Variants in XKR4 observed in about 807,000 individuals in gnomAD.
The protein encoded by XKR4 is XK-related protein 4.
A neutral mutation model predicts 53.9 loss-of-function variants in XKR4; 12 were observed. That is an observed-to-expected ratio of 0.22 (90% CI 0.14 to 0.36). The LOEUF (loss-of-function observed/expected upper bound fraction) is 0.36, where lower values mean the gene tolerates loss of function less well. Among genes scored for constraint, XKR4 ranks in the 10% least tolerant of loss-of-function variants. The pLI is 1.00. For missense variants in XKR4, 799 were observed against 859.5 expected, an observed-to-expected ratio of 0.93 and a Z score of 0.88; for synonymous variants, 354 against 362.4, an observed-to-expected ratio of 0.98 and a Z score of 0.26.
At position 55,536,706 on chromosome 8, in the gene XKR4, A is replaced by G. The variant is rs980135410; in HGVS notation, c.*12479A>G. The G allele has an allele frequency of 2.0e-5, 3 of 152,250 alleles. No individual in the cohort carries two copies. The highest frequency in any genetic ancestry group is 7.2e-5 in the African/African-American group (3 of 41,478). 9.4% of individuals were successfully genotyped at this position (152,250 alleles called of 1,614,324 possible). On this transcript the variant is annotated 3_prime_UTR_variant, in exon 3 of 3. Transcript: ENST00000327381. The stretch of plus-strand genomic sequence containing the variant: ...GTTGTGCCAAGAGAAATAATGCAGA[A>G]CAAATGTTATTTAATTTTTATTTAC...
chr8:55,422,011 C>T (rs1804942236), intron 2 of XKR4, among the ~76,000 whole-genome samples: 1 of 152,118 alleles, frequency 6.6e-6, no homozygotes, highest in East Asian at 1.9e-4. Flanking sequence ...TATTAATGTC[C>T]CATGAGCTTT....
chr8:55,311,449 A>C (rs1243219713), intron 1 of XKR4, among the ~76,000 whole-genome samples: 1 of 152,212 alleles, frequency 6.6e-6, no homozygotes, highest in Non-Finnish European at 1.5e-5. Flanking sequence ...ATGATACTCA[A>C]GGAATTAAAA....
At position 55,523,317 on chromosome 8, in the gene XKR4, G is replaced by C; in HGVS notation, c.1043G>C (p.Trp348Ser). 1.2e-6 allele frequency: 2 copies of C among 1,613,322 alleles called. No individual in the cohort carries two copies. The highest frequency in any genetic ancestry group is 1.7e-6 in the Non-Finnish European group (2 of 1,179,486). ...GCAGCTTCCCTCGTGTCCCTGGCCT[G>C]GGCCTTGGCCTCCTACCAGAAGGCC... ...TAAASLVSLA[W>S]ALASYQKALR... is the part of the protein sequence containing the mutation. The change falls in exon 3 of 3, where the codon TGG (tryptophan) becomes TCG (serine). Residue 348 changes from tryptophan to serine, a missense_variant. Physicochemically the swap from Trp to Ser is radical, Grantham distance 177. This residue lies in a region of XKR4 where 476 missense variants were observed against 505.4 expected (regional missense o/e 0.94). Coordinates refer to ENST00000327381, the MANE Select transcript of XKR4 (RefSeq NM_052898.2).
At chr8:55,484,032 G>C (rs1258454706) in intron 2 of XKR4, among the ~76,000 whole-genome samples, 1 of 152,134 alleles carries the variant, frequency 6.6e-6, no homozygotes, top group African/African-American at 2.4e-5. Context: ...ACAATATCCA[G>C]AGTGAAGCAA....
intron 1 of XKR4, among the ~76,000 whole-genome samples, chr8:55,257,480 G>A (rs906228628): frequency 1.3e-5 from 2 of 151,758 alleles, no homozygotes; most frequent in African/African-American, 2.4e-5. Flanking sequence ...GAGAGAAAGG[G>A]CATGTACTTA....
At chr8:55,286,039 G>A (rs537811774) in intron 1 of XKR4, among the ~76,000 whole-genome samples, 13 of 152,274 alleles carry the variant, frequency 8.5e-5, no homozygotes, top group African/African-American at 2.2e-4. Flanking sequence ...TCTATCTGCC[G>A]AGCTGCACAG....
At chr8:55,437,175 C>G (rs996292062) in intron 2 of XKR4, among the ~76,000 whole-genome samples, 1 of 152,094 alleles carries the variant, frequency 6.6e-6, no homozygotes, top group Non-Finnish European at 1.5e-5. Context: ...ACTGCTTATT[C>G]AATTTTCTTT....
intron 2 of XKR4, among the ~76,000 whole-genome samples, chr8:55,475,309 A>T (rs192217610): frequency 2.6e-4 from 39 of 152,278 alleles, no homozygotes; most frequent in Admixed American, 2.4e-3. Context: ...ATTACACAAC[A>T]TACAGGGGAA....
intron 1 of XKR4, among the ~76,000 whole-genome samples, chr8:55,356,529 CT>C (rs1410772688): frequency 6.6e-6 from 1 of 151,996 alleles, no homozygotes; most frequent in East Asian, 1.9e-4. Flanking sequence ...TTCAAACAAA[CT>C]TAAAAAATTG....
chr8:55,337,437 G>T (rs1803478524), intron 1 of XKR4, among the ~76,000 whole-genome samples: 2 of 152,172 alleles, frequency 1.3e-5, no homozygotes, highest in Admixed American at 1.3e-4. Flanking sequence ...TCAGGGCCAT[G>T]TTTCTCAACT....
chr8:55,427,890 T>A (rs951924617), intron 2 of XKR4, among the ~76,000 whole-genome samples: 1 of 152,206 alleles, frequency 6.6e-6, no homozygotes, highest in African/African-American at 2.4e-5. Context: ...TTATAATCAT[T>A]ACCCTAATCT....
At chr8:55,397,744 G>T (rs533232513) in intron 2 of XKR4, among the ~76,000 whole-genome samples, 1 of 152,292 alleles carries the variant, frequency 6.6e-6, no homozygotes, top group South Asian at 2.1e-4. Flanking sequence ...TTTCAGCTAA[G>T]CCCTTCATCA....
chr8:55,390,187 T>G (rs1804425720), intron 2 of XKR4, among the ~76,000 whole-genome samples: 1 of 152,242 alleles, frequency 6.6e-6, no homozygotes, highest in Non-Finnish European at 1.5e-5. Context: ...AAAGAAAATC[T>G]ATTTCTTTCT....
In XKR4 at chr8:55,453,694, G is replaced by T. The variant is rs553607044; in HGVS notation, c.1007-69587G>T. On this transcript the variant is annotated intron_variant, in intron 2 of 2. Transcript: ENST00000327381. The stretch of plus-strand genomic sequence containing the variant: ...AGGGCCGGGGCGCCCATCTCAGGTG[G>T]CTGCTGTCACCCGGCCTCTGCATGT... 14 of 400,040 alleles carry T rather than the reference G, an allele frequency of 3.5e-5. No individual in the cohort carries two copies. The East Asian group carries it at 8.1e-4, about 23-fold the overall frequency. 24.8% of individuals were successfully genotyped at this position (400,040 alleles called of 1,614,324 possible).
chr8:55,202,891 A>G (rs1272426909), intron 1 of XKR4, among the ~76,000 whole-genome samples: 1 of 150,410 alleles, frequency 6.6e-6, no homozygotes, highest in East Asian at 1.9e-4. Context: ...AAGTCTGCAG[A>G]GCAGCCCTGC....
intron 1 of XKR4, among the ~76,000 whole-genome samples, chr8:55,122,592 A>C (rs1473898916): frequency 6.6e-6 from 1 of 152,156 alleles, no homozygotes; most frequent in African/African-American, 2.4e-5. Flanking sequence ...TCAGTATGTG[A>C]GCATGTCTTT....
intron 2 of XKR4, among the ~76,000 whole-genome samples, chr8:55,421,718 C>G (rs959851039): frequency 6.6e-6 from 1 of 152,190 alleles, no homozygotes; most frequent in Non-Finnish European, 1.5e-5. Flanking sequence ...AATTGCAATT[C>G]CTCCCTCAGT....
At chr8:55,311,024 G>A (rs759015630) in intron 1 of XKR4, among the ~76,000 whole-genome samples, 1 of 152,168 alleles carries the variant, frequency 6.6e-6, no homozygotes, top group Admixed American at 6.5e-5. Flanking sequence ...GTCCACACTC[G>A]CATGAATTCC....
intron 2 of XKR4, among the ~76,000 whole-genome samples, chr8:55,446,312 G>A (rs894220059): frequency 1.3e-5 from 2 of 152,092 alleles, no homozygotes; most frequent in East Asian, 1.9e-4. Context: ...GGGTTTTGGC[G>A]CTGGGAGACG....
Sources: allele counts gnomAD v4.1 joint callset (sites outside exome capture counted in the v4.1 genomes callset), GRCh38; gene constraint gnomAD v4.1.1; regional missense constraint gnomAD v4.1.1; transcripts MANE v1.5; gene names NCBI Gene and HGNC (gene_info 2026-07-23, HGNC 2026-07-21).